The following AGBL1 variants were observed in gnomAD, a reference collection of about 807,000 sequenced individuals.
The protein encoded by AGBL1 is cytosolic carboxypeptidase 4.
AGBL1 carries 130 observed loss-of-function variants against 118.9 expected under a neutral mutation model. The ratio of observed to expected loss-of-function variants is 1.09; its 90% CI spans 0.95 to 1.26. The LOEUF (loss-of-function observed/expected upper bound fraction) is 1.26. Among genes scored for constraint, AGBL1 ranks in the 50% most tolerant of loss-of-function variants. The pLI is 0.00. For missense variants in AGBL1, 1,584 were observed against 1,298.1 expected, an observed-to-expected ratio of 1.22 and a Z score of -3.38; for synonymous variants, 555 against 478.9, an observed-to-expected ratio of 1.16 and a Z score of -2.08.
At chr15:86,760,102 T>C (rs2078002890) in intron 22 of AGBL1, among the ~76,000 whole-genome samples, 1 of 152,118 alleles carries the variant, frequency 6.6e-6, no homozygotes, top group Admixed American at 6.5e-5. Context: ...ATCAACTACC[T>C]CTTTAGTGGC....
In AGBL1 at chr15:86,901,374, C is replaced by T. The variant is rs181584830; in HGVS notation, c.3159-5713C>T. ...AAGCCATTTAGAATTACATTTTTAT[C>T]ATGGTGTGAGATAGGGTTATAACTT... On this transcript the variant is annotated intron_variant, in intron 22 of 22. Transcript: ENST00000614907. Among the ~76,000 whole-genome samples, 4 of 152,052 alleles carry T rather than the reference C, an allele frequency of 2.6e-5. No individual in the cohort carries two copies. In the East Asian group the frequency reaches 7.7e-4, roughly 29 times the overall value.
In AGBL1 at chr15:86,245,971, G is replaced by A. The variant is rs1567152043; in HGVS notation, c.527-1700G>A. Among the ~76,000 whole-genome samples, 4 of 151,984 alleles carry A rather than the reference G, an allele frequency of 2.6e-5. No homozygotes were observed. The South Asian group carries it at 8.3e-4, about 32-fold the overall frequency. ...CAGGACTATAGCTCACTGCAGCCTC[G>A]AACTCCTGGGCTCAAGTGATTCTCC... On this transcript the variant is annotated intron_variant, in intron 6 of 22. Coordinates refer to ENST00000614907, the MANE Select transcript of AGBL1 (RefSeq NM_001386094.1).
At position 86,158,928 on chromosome 15, in the gene AGBL1, C is replaced by G; in HGVS notation, c.395-5C>G. 6.2e-7 allele frequency: 1 copy of G among 1,612,950 alleles called. No homozygotes were observed. Among genetic ancestry groups the G allele is most frequent in the Non-Finnish European group, 8.5e-7 (1 of 1,179,126 alleles). On this transcript the variant is annotated splice_polypyrimidine_tract_variant and splice_region_variant and intron_variant, in intron 4 of 22. Coordinates refer to ENST00000614907, the MANE Select transcript of AGBL1 (RefSeq NM_001386094.1). ...CCATAACTACTGTGCTTTTGTTTTT[C>G]TTAGTCTCCATGGGAGCCATGCTGG...
At chr15:86,349,191 A>AT (rs944798459) in intron 17 of AGBL1, among the ~76,000 whole-genome samples, 2 of 152,186 alleles carry the variant, frequency 1.3e-5, no homozygotes, top group African/African-American at 4.8e-5. Context: ...TAACATCTTG[A>AT]TTTTGGACTT....
intron 21 of AGBL1, among the ~76,000 whole-genome samples, chr15:86,620,895 G>A (rs1163059549): frequency 2.0e-5 from 3 of 150,404 alleles, no homozygotes; most frequent in South Asian, 2.1e-4. Flanking sequence ...TTTTCAAGTC[G>A]CCTGCGTGCT....
chr15:86,872,789 G>A (rs537725706), intron 22 of AGBL1, among the ~76,000 whole-genome samples: 1 of 152,098 alleles, frequency 6.6e-6, no homozygotes, highest in East Asian at 1.9e-4. Flanking sequence ...TACTTTCTAT[G>A]CCAGTTACAA....
chr15:86,348,119 T>C, intron 17 of AGBL1, among the ~76,000 whole-genome samples: 1 of 152,176 alleles, frequency 6.6e-6, no homozygotes, highest in East Asian at 1.9e-4. Flanking sequence ...CATGCTGGCT[T>C]TCCTCCTGTT....
chr15:86,504,498 C>T (rs2082952085), intron 18 of AGBL1, among the ~76,000 whole-genome samples: 2 of 151,236 alleles, frequency 1.3e-5, no homozygotes, highest in South Asian at 2.1e-4. Context: ...TTTTTCATTC[C>T]TCTCTTATTT....
At chr15:86,603,529 T>G (rs2084528058) in intron 21 of AGBL1, among the ~76,000 whole-genome samples, 1 of 151,644 alleles carries the variant, frequency 6.6e-6, no homozygotes, top group Non-Finnish European at 1.5e-5. Context: ...CTAATATCCA[T>G]CCCTTTTACT....
intron 1 of AGBL1, among the ~76,000 whole-genome samples, chr15:86,130,873 C>T (rs1193178026): frequency 2.0e-5 from 3 of 152,072 alleles, no homozygotes; most frequent in Admixed American, 6.5e-5. Flanking sequence ...GCAGTTCTTT[C>T]CTGGTGTCTC....
chr15:86,530,741 C>T (rs1295874971), intron 19 of AGBL1, among the ~76,000 whole-genome samples: 3 of 148,222 alleles, frequency 2.0e-5, no homozygotes, highest in African/African-American at 5.0e-5. Flanking sequence ...TAAAAGAAGA[C>T]AAATTATAAC....
At chr15:86,192,147 C>T (rs2077733458) in intron 5 of AGBL1, among the ~76,000 whole-genome samples, 1 of 151,322 alleles carries the variant, frequency 6.6e-6, no homozygotes, top group African/African-American at 2.4e-5. Flanking sequence ...CACATGCACG[C>T]ATGCACGTGC....
At chr15:86,354,018 C>T (rs182098679) in intron 17 of AGBL1, among the ~76,000 whole-genome samples, 181 of 152,278 alleles carry the variant, frequency 1.2e-3, no homozygotes, top group African/African-American at 4.1e-3. Flanking sequence ...GAGAATGTAG[C>T]TCTGTGAAGG....
At chr15:86,954,148 G>C (rs1281697146) in intron 23 of AGBL1, among the ~76,000 whole-genome samples, 1 of 152,108 alleles carries the variant, frequency 6.6e-6, no homozygotes, top group East Asian at 1.9e-4. Context: ...AAAAACAACA[G>C]AATCTGGTGA....
intron 5 of AGBL1, among the ~76,000 whole-genome samples, chr15:86,184,724 A>C (rs966784708): frequency 1.3e-5 from 2 of 152,150 alleles, no homozygotes; most frequent in Non-Finnish European, 2.9e-5. Context: ...GGTAATTTAT[A>C]GATTCAATGC....
intron 1 of AGBL1, among the ~76,000 whole-genome samples, chr15:86,081,834 T>C (rs1895305478): frequency 6.6e-6 from 1 of 152,216 alleles, no homozygotes; most frequent in South Asian, 2.1e-4. Flanking sequence ...TAAAAATGAA[T>C]GTCCTGTAGT....
chr15:86,466,254 CT>C (rs1420458081), intron 18 of AGBL1, among the ~76,000 whole-genome samples: 1 of 152,102 alleles, frequency 6.6e-6, no homozygotes, highest in Non-Finnish European at 1.5e-5. Flanking sequence ...TCTTCAGTCT[CT>C]GATATTCTTT....
chr15:86,326,111 T>C (rs1375458483), intron 17 of AGBL1, among the ~76,000 whole-genome samples: 2 of 152,200 alleles, frequency 1.3e-5, no homozygotes, highest in African/African-American at 4.8e-5. Context: ...CAATTCTCAT[T>C]CATTCTCTCC....
chr15:86,419,564 GT>G lies in AGBL1; in HGVS notation c.2555+22031del, dbSNP rs530557383. On this transcript the variant is annotated intron_variant, in intron 18 of 22. Transcript: ENST00000614907. ...GGCAGACACTAAGCTAGCTGCAGGA[GT>G]TTTTTTTTTTTTCATACCAAAGTGG... 3.5e-3 allele frequency among the ~76,000 whole-genome samples: 508 copies of G among 146,492 alleles called. 1 individual carries two copies. Among genetic ancestry groups the G allele is most frequent in the African/African-American group, 0.011 (452 of 40,120 alleles).
Sources: gnomAD v4.1 joint callset for allele counts (sites outside exome capture counted in the v4.1 genomes callset) on GRCh38, gnomAD v4.1.1 for gene constraint, MANE v1.5 for transcripts, NCBI Gene and HGNC (gene_info 2026-07-23, HGNC 2026-07-21) for gene names.